Variants in NPAS3 observed in about 807,000 individuals in gnomAD.
The protein encoded by NPAS3 is neuronal PAS domain-containing protein 3.
In NPAS3, 14 loss-of-function variants were observed where a neutral mutation model predicts 73.1. The observed-to-expected ratio is 0.19, with a 90% CI of 0.13 to 0.30. The LOEUF is 0.30. NPAS3 is among the 10% of genes least tolerant of loss of function. The pLI is 1.00. For synonymous variants in NPAS3, 620 were observed against 541.5 expected (o/e 1.14, Z -2.01); for missense variants, 1,096 against 1,250.0 (o/e 0.88, Z 1.86).
chr14:33,149,812 T>C (rs2044378987), intron 2 of NPAS3, among the ~76,000 whole-genome samples: 1 of 152,128 alleles, frequency 6.6e-6, no homozygotes, highest in Non-Finnish European at 1.5e-5. Context: ...ATACTTTAAG[T>C]TTTAGGATAC....
At chr14:33,155,013 T>C (rs1404164787) in intron 2 of NPAS3, among the ~76,000 whole-genome samples, 3 of 152,192 alleles carry the variant, frequency 2.0e-5, no homozygotes, top group Non-Finnish European at 4.4e-5. Flanking sequence ...CAAGTATTAT[T>C]ATTAATTTTT....
At chr14:33,539,574 G>C (rs564703194) in intron 4 of NPAS3, among the ~76,000 whole-genome samples, 43 of 152,190 alleles carry the variant, frequency 2.8e-4, no homozygotes, top group African/African-American at 1.0e-3. Flanking sequence ...TCATGTTGCT[G>C]TTACGGTACT....
intron 2 of NPAS3, among the ~76,000 whole-genome samples, chr14:33,178,785 T>C (rs1392023779): frequency 1.3e-5 from 2 of 152,198 alleles, no homozygotes; most frequent in Non-Finnish European, 2.9e-5. Context: ...TTTACTCCTT[T>C]CCTTCCAATT....
chr14:33,618,316 A>G (rs1418643507), intron 5 of NPAS3, among the ~76,000 whole-genome samples: 1 of 152,138 alleles, frequency 6.6e-6, no homozygotes, highest in East Asian at 1.9e-4. Flanking sequence ...TTAAATAACT[A>G]TACAACTCAC....
intron 2 of NPAS3, among the ~76,000 whole-genome samples, chr14:33,204,573 C>G (rs113968648): frequency 0.02 from 3,110 of 152,026 alleles, 54 homozygotes; most frequent in Middle Eastern, 0.075. Context: ...CTGTAGCTGC[C>G]GTCAGGTTTT....
chr14:33,270,454 G>A, intron 3 of NPAS3, among the ~76,000 whole-genome samples: 1 of 152,248 alleles, frequency 6.6e-6, no homozygotes. Context: ...TATGAATAAG[G>A]CATTTGAGTT....
At chr14:33,248,815 A>G (rs1413546944) in intron 3 of NPAS3, among the ~76,000 whole-genome samples, 1 of 152,238 alleles carries the variant, frequency 6.6e-6, no homozygotes, top group African/African-American at 2.4e-5. Flanking sequence ...CCTAAGTTTG[A>G]AGTCAGATTT....
intron 2 of NPAS3, among the ~76,000 whole-genome samples, chr14:33,175,449 C>T (rs1217079336): frequency 6.6e-6 from 1 of 152,030 alleles, no homozygotes; most frequent in African/African-American, 2.4e-5. Flanking sequence ...AGCATACCTA[C>T]TTGTTTCAAA....
At chr14:33,720,301 A>G (rs10134189) in intron 6 of NPAS3, among the ~76,000 whole-genome samples, 63,582 of 152,008 alleles carry the variant, frequency 0.42, 14,317 homozygotes, top group Non-Finnish European at 0.51. Context: ...TGCGGTGATC[A>G]GCAATGGGCC....
At chr14:33,472,912 A>G (rs1216446759) in intron 4 of NPAS3, among the ~76,000 whole-genome samples, 1 of 150,870 alleles carries the variant, frequency 6.6e-6, no homozygotes, top group Non-Finnish European at 1.5e-5. Context: ...GAAAACCTAG[A>G]GATAGAATGC....
chr14:33,475,973 G>T (rs2051013998), intron 4 of NPAS3, among the ~76,000 whole-genome samples: 1 of 152,186 alleles, frequency 6.6e-6, no homozygotes, highest in African/African-American at 2.4e-5. Context: ...CTTCCCGTTT[G>T]ATGAGAAACT....
chr14:33,329,474 C>A (rs749946093), intron 3 of NPAS3, among the ~76,000 whole-genome samples: 5 of 152,104 alleles, frequency 3.3e-5, no homozygotes, highest in African/African-American at 4.8e-5. Context: ...AAGGAGCCAG[C>A]CACAAGAAGT....
At chr14:33,264,940 C>T (rs140289088) in intron 3 of NPAS3, among the ~76,000 whole-genome samples, 63 of 152,306 alleles carry the variant, frequency 4.1e-4, no homozygotes, top group African/African-American at 1.4e-3. Flanking sequence ...CAGAGTTTCT[C>T]TCCATAAGTT....
chr14:33,346,976 GTT>G (rs2044768780), intron 3 of NPAS3, among the ~76,000 whole-genome samples: 1 of 152,138 alleles, frequency 6.6e-6, no homozygotes, highest in Admixed American at 6.5e-5. Context: ...TTATCCCAAG[GTT>G]ACTCCATGTC....
chr14:33,753,380 C>T (rs1359574036), intron 7 of NPAS3, among the ~76,000 whole-genome samples: 1 of 140,634 alleles, frequency 7.1e-6, no homozygotes, highest in Admixed American at 6.8e-5. Context: ...AAAACGTACA[C>T]TCCACAATGT....
At chr14:33,295,698 GTATTT>G (rs2042269513) in intron 3 of NPAS3, among the ~76,000 whole-genome samples, 1 of 152,188 alleles carries the variant, frequency 6.6e-6, no homozygotes, top group South Asian at 2.1e-4. Flanking sequence ...CTTATGTAAT[GTATTT>G]TATTTTAATG....
chr14:33,258,481 G>GTAGTGTTA (rs1460689756), intron 3 of NPAS3, among the ~76,000 whole-genome samples: 1 of 152,220 alleles, frequency 6.6e-6, no homozygotes, highest in Admixed American at 6.5e-5. Context: ...TAAAGTAGAC[G>GTAGTGTTA]TAGTGTTATG....
intron 4 of NPAS3, among the ~76,000 whole-genome samples, chr14:33,460,281 C>T (rs1292712932): frequency 3.3e-5 from 5 of 152,120 alleles, no homozygotes; most frequent in African/African-American, 4.8e-5. Flanking sequence ...GGATTTTAAC[C>T]CTCACTTCCC....
Position 33,597,568 on chromosome 14 carries a change from G to C in NPAS3, c.558+37358G>C, listed in dbSNP as rs987857369. On this transcript the variant is annotated intron_variant, in intron 5 of 11. Coordinates refer to ENST00000356141, the Ensembl canonical transcript of NPAS3. Reference sequence around the variant, plus strand: ...AACAGGTTTAGCTCCAGATTGCCATGTTGATTTTCTTCATACATATACCTG... The same window carrying C: ...AACAGGTTTAGCTCCAGATTGCCATCTTGATTTTCTTCATACATATACCTG... Among the ~76,000 whole-genome samples the C allele has an allele frequency of 3.3e-5, 5 of 152,364 alleles. No homozygotes were observed. The South Asian group carries it at 8.3e-4, about 25-fold the overall frequency.
Sources: gnomAD v4.1 joint callset for allele counts (sites outside exome capture counted in the v4.1 genomes callset) on GRCh38, gnomAD v4.1.1 for gene constraint, MANE v1.5 for transcripts, NCBI Gene and HGNC (gene_info 2026-07-23, HGNC 2026-07-21) for gene names.